The following SLC35D4 variants were observed in gnomAD, a reference collection of about 807,000 sequenced individuals.
The protein encoded by SLC35D4 is UDP-N-acetylglucosamine transporter SLC35D4.
At chr18:23,345,204 C>T in the SLC35D4 span, among the ~76,000 whole-genome samples, 13 of 151,982 alleles carry the variant, frequency 8.6e-5, no homozygotes, top group Admixed American at 1.3e-4. Flanking sequence ...ACAATCCTGG[C>T]CAGGCGCAGT....
chr18:23,287,121 A>G, the SLC35D4 span, among the ~76,000 whole-genome samples: 1 of 152,224 alleles, frequency 6.6e-6, no homozygotes, highest in Admixed American at 6.5e-5. Context: ...TTTAAAGCCT[A>G]TAAACTCTCC....
chr18:23,379,313 G>A, the SLC35D4 span, among the ~76,000 whole-genome samples: 2 of 151,898 alleles, frequency 1.3e-5, no homozygotes, highest in African/African-American at 2.4e-5. Context: ...TAGTAGAGAT[G>A]GGGTTTCACC....
chr18:23,261,188 G>C, the SLC35D4 span, among the ~76,000 whole-genome samples: 2 of 152,228 alleles, frequency 1.3e-5, no homozygotes, highest in African/African-American at 4.8e-5. Context: ...GTACGGCTAG[G>C]TGTGGTGGCT....
the SLC35D4 span, chr18:23,259,908 A>C: frequency 6.6e-6 from 1 of 152,098 alleles, no homozygotes; most frequent in Non-Finnish European, 1.5e-5. Context: ...TCCTCCCCAC[A>C]CTCAGAGATC....
the SLC35D4 span, among the ~76,000 whole-genome samples, chr18:23,249,734 C>G: frequency 6.6e-6 from 1 of 152,150 alleles, no homozygotes; most frequent in Non-Finnish European, 1.5e-5. Flanking sequence ...GCCTGATTTG[C>G]TGAAGGTGGA....
At chr18:23,359,383 CAAAA>C in the SLC35D4 span, among the ~76,000 whole-genome samples, 1 of 92,782 alleles carries the variant, frequency 1.1e-5, no homozygotes, top group Non-Finnish European at 2.3e-5. Flanking sequence ...GACTCCATCT[CAAAA>C]AAAAAAAAAA....
chr18:23,356,531 T>G, the SLC35D4 span: 5 of 1,575,154 alleles, frequency 3.2e-6, no homozygotes, highest in South Asian at 5.5e-5. This position sits in a 1 kb window ranked among gnomAD's most constrained non-coding sequence, Gnocchi z 4.1. Context: ...ACCCTGAACT[T>G]CACAGAGAGG....
the SLC35D4 span, among the ~76,000 whole-genome samples, chr18:23,239,460 TG>T: frequency 6.6e-6 from 1 of 152,226 alleles, no homozygotes; most frequent in Non-Finnish European, 1.5e-5. Context: ...GACAGTGTGT[TG>T]TGTATTACAA....
At chr18:23,381,965 T>G in the SLC35D4 span, among the ~76,000 whole-genome samples, 1 of 152,102 alleles carries the variant, frequency 6.6e-6, no homozygotes, top group Non-Finnish European at 1.5e-5. Context: ...CCCAGCCAGG[T>G]GCAGTGGCTC....
the SLC35D4 span, among the ~76,000 whole-genome samples, chr18:23,283,564 C>T: frequency 6.6e-6 from 1 of 151,010 alleles, no homozygotes; most frequent in Non-Finnish European, 1.5e-5. Flanking sequence ...AATCCCAGCA[C>T]TTTGGGAGGC....
the SLC35D4 span, chr18:23,384,865 C>G: frequency 2.7e-6 from 2 of 735,432 alleles, no homozygotes; most frequent in South Asian, 3.3e-5. Flanking sequence ...TGATCACTAT[C>G]AGGTAATCTT....
At chr18:23,338,193 G>T in the SLC35D4 span, among the ~76,000 whole-genome samples, 1 of 152,198 alleles carries the variant, frequency 6.6e-6, no homozygotes, top group Non-Finnish European at 1.5e-5. Context: ...TAAAAACATT[G>T]TGAATGATGC....
chr18:23,257,966 T>TG, the SLC35D4 span: 1 of 152,232 alleles, frequency 6.6e-6, no homozygotes, highest in African/African-American at 2.4e-5. Context: ...CCTGGGGCCA[T>TG]GGGTCAGGCT....
At chr18:23,286,884 G>A in the SLC35D4 span, among the ~76,000 whole-genome samples, 44 of 150,864 alleles carry the variant, frequency 2.9e-4, no homozygotes, top group East Asian at 5.3e-3. Context: ...TCTCATTGCC[G>A]CCCTTCTTCC....
chr18:23,292,478 G>A, the SLC35D4 span, among the ~76,000 whole-genome samples: 1 of 152,220 alleles, frequency 6.6e-6, no homozygotes, highest in Admixed American at 6.5e-5. Flanking sequence ...CAGCTGCAGT[G>A]CAGGCCACAG....
chr18:23,365,727 T>G, the SLC35D4 span: 8,690 of 1,234,732 alleles, frequency 7.0e-3, no homozygotes, highest in Non-Finnish European at 9.4e-3. Context: ...ACCCCAGCTG[T>G]TCCCACACAT....
At chr18:23,348,271 A>G in the SLC35D4 span, among the ~76,000 whole-genome samples, 3 of 152,334 alleles carry the variant, frequency 2.0e-5, no homozygotes, top group East Asian at 3.9e-4. Flanking sequence ...TGTGGAGAAT[A>G]TTCCATGTGC....
the SLC35D4 span, chr18:23,253,956 G>T: frequency 6.2e-7 from 1 of 1,606,530 alleles, no homozygotes; most frequent in Non-Finnish European, 8.5e-7. Context: ...CTTTTTCCTG[G>T]TGGCTGGAGG....
the SLC35D4 span, among the ~76,000 whole-genome samples, chr18:23,392,416 T>G: frequency 6.6e-6 from 1 of 152,336 alleles, no homozygotes; most frequent in East Asian, 1.9e-4. Flanking sequence ...ACTGTAGTGT[T>G]TATTTACACT....
Sources: allele counts gnomAD v4.1 joint callset (sites outside exome capture counted in the v4.1 genomes callset), GRCh38; gene constraint gnomAD v4.1.1; non-coding constraint Gnocchi (gnomAD v3.1); transcripts MANE v1.5; gene names NCBI Gene and HGNC (gene_info 2026-07-23, HGNC 2026-07-21).